Variants in ITPR1 observed in about 807,000 individuals in gnomAD.
ITPR1 encodes inositol 1,4,5-trisphosphate receptor type 1.
Under a neutral mutation model 318.4 loss-of-function variants are expected in ITPR1, and 96 were observed. The observed-to-expected ratio is 0.30, with a 90% CI of 0.26 to 0.36. ITPR1 has a LOEUF of 0.36. Among genes scored for constraint, ITPR1 ranks in the 10% least tolerant of loss-of-function variants. The pLI is 1.00. For missense variants in ITPR1, 2,440 were observed against 3,460.2 expected, an observed-to-expected ratio of 0.71 and a Z score of 7.40; for synonymous variants, 1,312 against 1,289.9, an observed-to-expected ratio of 1.02 and a Z score of -0.37.
intron 44 of ITPR1, among the ~76,000 whole-genome samples, chr3:4,740,828 C>T (rs72999385): frequency 0.099 from 15,114 of 152,200 alleles, 1,043 homozygotes; most frequent in Non-Finnish European, 0.15. Context: ...ACGGGTGACA[C>T]GTTGTCAGGT....
intron 4 of ITPR1, among the ~76,000 whole-genome samples, chr3:4,582,021 C>T (rs544577623): frequency 2.6e-5 from 4 of 151,414 alleles, no homozygotes; most frequent in African/African-American, 7.3e-5. Context: ...AGGGTTGTTA[C>T]GCCTTTAAAA....
chr3:4,563,586 C>G (rs570693224), intron 4 of ITPR1, among the ~76,000 whole-genome samples: 1 of 152,192 alleles, frequency 6.6e-6, no homozygotes, highest in Non-Finnish European at 1.5e-5. Flanking sequence ...TTATTAGCCA[C>G]GTGAAGTTTG....
At chr3:4,587,528 C>A (rs934144535) in intron 4 of ITPR1, among the ~76,000 whole-genome samples, 6 of 152,128 alleles carry the variant, frequency 3.9e-5, no homozygotes, top group Admixed American at 2.0e-4. Context: ...GCCTTGGCCT[C>A]CCAAAGTACT....
chr3:4,651,033 A>G (rs1246368942), intron 10 of ITPR1, among the ~76,000 whole-genome samples: 1 of 152,086 alleles, frequency 6.6e-6, no homozygotes, highest in Non-Finnish European at 1.5e-5. Flanking sequence ...TGTAGAGTTA[A>G]TTTTGGGGCT....
intron 39 of ITPR1, among the ~76,000 whole-genome samples, chr3:4,712,422 T>G (rs1363192731): frequency 6.6e-6 from 1 of 152,234 alleles, no homozygotes; most frequent in Non-Finnish European, 1.5e-5. Flanking sequence ...GATCCATTCC[T>G]TACACCTCTG....
chr3:4,516,283 T>C (rs2082164026), intron 2 of ITPR1, among the ~76,000 whole-genome samples, 193 bp from the exon 3 acceptor site: 1 of 152,214 alleles, frequency 6.6e-6, no homozygotes, highest in African/African-American at 2.4e-5. Flanking sequence ...AATTAGATAA[T>C]ATACGGGGAA....
chr3:4,750,985 A>G (rs2044466266), intron 44 of ITPR1: 1 of 152,924 alleles, frequency 6.5e-6, no homozygotes, highest in African/African-American at 2.4e-5. Context: ...GGAGTCTTCC[A>G]TCTTGCCTGA....
chr3:4,660,541 G>A (rs191515138), intron 13 of ITPR1, among the ~76,000 whole-genome samples: 1 of 150,918 alleles, frequency 6.6e-6, no homozygotes, highest in African/African-American at 2.4e-5. Flanking sequence ...GATTCAAAAG[G>A]CTTTCCCTAC....
chr3:4,617,884 T>A (rs1483347091), intron 4 of ITPR1, among the ~76,000 whole-genome samples: 1 of 150,690 alleles, frequency 6.6e-6, no homozygotes, highest in South Asian at 2.1e-4. Flanking sequence ...CCCTGAGAGG[T>A]TGAGGTGGGA....
chr3:4,679,773 G>C (rs1024310974), intron 24 of ITPR1, among the ~76,000 whole-genome samples: 3 of 152,136 alleles, frequency 2.0e-5, no homozygotes, highest in African/African-American at 7.2e-5. Flanking sequence ...TGAGTTTGAG[G>C]CCCTGGGAAG....
At chr3:4,516,298 T>C (rs1029429710) in intron 2 of ITPR1, among the ~76,000 whole-genome samples, 178 bp from the exon 3 acceptor site, 1 of 152,204 alleles carries the variant, frequency 6.6e-6, no homozygotes, top group African/African-American at 2.4e-5. Context: ...GGGGAAAAAG[T>C]GTTGTTGCAT....
chr3:4,576,143 T>C (rs2088633776), intron 4 of ITPR1, among the ~76,000 whole-genome samples: 1 of 152,140 alleles, frequency 6.6e-6, no homozygotes. Flanking sequence ...CAATAATTAA[T>C]ATAGGAAACA....
chr3:4,845,116 A>C (rs1313768139), intron 61 of ITPR1, among the ~76,000 whole-genome samples: 2 of 152,242 alleles, frequency 1.3e-5, no homozygotes, highest in Non-Finnish European at 2.9e-5. Context: ...AGACTTTGAT[A>C]AGTTAAATGA....
chr3:4,678,953 G>C (rs2094241968), intron 24 of ITPR1, among the ~76,000 whole-genome samples: 1 of 152,194 alleles, frequency 6.6e-6, no homozygotes, highest in African/African-American at 2.4e-5. Context: ...ATTCTCTGTT[G>C]AGCCTTTGAA....
chr3:4,594,953 G>A (rs1244847054), intron 4 of ITPR1, among the ~76,000 whole-genome samples: 1 of 152,126 alleles, frequency 6.6e-6, no homozygotes, highest in Non-Finnish European at 1.5e-5. Context: ...GTGGTTAAGG[G>A]TATAGGTTCT....
intron 60 of ITPR1, among the ~76,000 whole-genome samples, chr3:4,835,063 C>T (rs2050798558): frequency 6.6e-6 from 1 of 152,170 alleles, no homozygotes; most frequent in Non-Finnish European, 1.5e-5. Context: ...AGTCAGTATA[C>T]TAAGGTGGTT....
At chr3:4,516,700 G>T in intron 3 of ITPR1, 117 bp downstream of exon 3, 2 of 706,726 alleles carry the variant, frequency 2.8e-6, no homozygotes, top group South Asian at 3.6e-5. Context: ...TTCTAAGTGC[G>T]GTTGAAATCA....
At chr3:4,780,282 T>C (rs1179455688) in intron 49 of ITPR1, among the ~76,000 whole-genome samples, 1 of 152,228 alleles carries the variant, frequency 6.6e-6, no homozygotes, top group African/African-American at 2.4e-5. Context: ...ATTTGAGCCA[T>C]ATCTTTGTCC....
Position 4,533,420 on chromosome 3 carries a change from T to C in ITPR1, c.163+12326T>C, listed in dbSNP as rs924465914. Among the ~76,000 whole-genome samples the C allele has an allele frequency of 4.6e-5, 7 of 152,284 alleles. 1 individual carries two copies. Among genetic ancestry groups the C allele is most frequent in the Admixed American group, 6.5e-5 (1 of 15,294 alleles). On this transcript the variant is annotated intron_variant, in intron 4 of 61. Transcript: ENST00000649015. ...GTCATTTAACCTGTCTATGCCTTAG[T>C]TTCCCCACCTGGCTGCCATGGTGAA...
Sources: gnomAD v4.1 joint callset for allele counts (sites outside exome capture counted in the v4.1 genomes callset) on GRCh38, gnomAD v4.1.1 for gene constraint, MANE v1.5 for transcripts, NCBI Gene and HGNC (gene_info 2026-07-23, HGNC 2026-07-21) for gene names.